MTBP: variants seen among roughly 807,000 people sequenced by gnomAD.
MTBP encodes MDM2 binding protein.
Under a neutral mutation model 117.0 loss-of-function variants are expected in MTBP, and 101 were observed. That is an observed-to-expected ratio of 0.86 (90% confidence interval 0.73 to 1.02). The LOEUF (loss-of-function observed/expected upper bound fraction) is 1.02, where lower values mean the gene tolerates loss of function less well. MTBP is among the 50% of genes least tolerant of loss of function. MTBP has a pLI of 0.00. For missense variants in MTBP, 970 were observed against 1,030.9 expected (o/e 0.94, Z 0.81); for synonymous variants, 350 against 351.5 (o/e 1.00, Z 0.05).
At chr8:120,472,146 C>T (rs894266051) in intron 11 of MTBP, 10 of 152,124 alleles carry the variant, frequency 6.6e-5, no homozygotes, top group African/African-American at 2.4e-4. Flanking sequence ...TGTAGAAATA[C>T]TCCACAGCGC....
intron 21 of MTBP, 97 bp from the exon 22 acceptor site, chr8:120,523,201 T>A: frequency 1.2e-6 from 1 of 811,036 alleles, no homozygotes; most frequent in Admixed American, 2.5e-5. Flanking sequence ...TTATTTGAAA[T>A]TTTCTACCAT....
At chr8:120,502,425 A>T (rs1032914508) in intron 14 of MTBP, 67 bp from the exon 15 acceptor site, 4 of 1,100,968 alleles carry the variant, frequency 3.6e-6, no homozygotes, top group Non-Finnish European at 4.0e-6. Flanking sequence ...CTGTAAATAC[A>T]CATTTTTATT....
intron 13 of MTBP, among the ~76,000 whole-genome samples, chr8:120,493,078 A>G (rs1814379687): frequency 6.6e-6 from 1 of 152,184 alleles, no homozygotes; most frequent in African/African-American, 2.4e-5. Context: ...CATCTTTGTT[A>G]AATTTATAAA....
At chr8:120,464,217 A>G (rs900852197) in intron 10 of MTBP, among the ~76,000 whole-genome samples, 5 of 151,920 alleles carry the variant, frequency 3.3e-5, no homozygotes, top group African/African-American at 1.2e-4. Flanking sequence ...AATTCTGATG[A>G]TGTTTAGGAG....
chr8:120,494,582 G>T lies in MTBP; in HGVS notation c.1448-2811G>T, dbSNP rs116943385. On this transcript the variant is annotated intron_variant, in intron 13 of 21. Coordinates refer to ENST00000305949, the MANE Select transcript of MTBP (RefSeq NM_022045.5). ...CTATTTCTTGATTTACTAGTTTCAG[G>T]CATTATCTTAACATCTAACTATGGA... Among the ~76,000 whole-genome samples, 711 of 152,228 alleles carry T rather than the reference G, an allele frequency of 4.7e-3. 8 individuals carry two copies. Among genetic ancestry groups the T allele is most frequent in the Middle Eastern group, 0.01 (3 of 294 alleles).
At chr8:120,472,480 C>A (rs1046819596) in intron 11 of MTBP, 1 of 152,190 alleles carries the variant, frequency 6.6e-6, no homozygotes, top group African/African-American at 2.4e-5. Context: ...CTGAGCTGCC[C>A]TCAGCAGAGT....
intron 11 of MTBP, chr8:120,472,128 A>G (rs1813829336): frequency 6.6e-6 from 1 of 152,174 alleles, no homozygotes; most frequent in African/African-American, 2.4e-5. Context: ...AACTATTATG[A>G]AGAAATCTGT....
At chr8:120,497,586 G>A (rs201276022) in intron 14 of MTBP, 32 bp downstream of exon 14, 8 of 443,950 alleles carry the variant, frequency 1.8e-5, no homozygotes, top group Admixed American at 6.4e-5. Context: ...ATTTTAGTTC[G>A]TGTGTGTGTG....
intron 16 of MTBP, among the ~76,000 whole-genome samples, chr8:120,508,050 G>C (rs903821864): frequency 6.6e-6 from 1 of 152,108 alleles, no homozygotes; most frequent in Non-Finnish European, 1.5e-5. Flanking sequence ...CTAATTGTAG[G>C]TGATTTATTT....
intron 12 of MTBP, among the ~76,000 whole-genome samples, chr8:120,489,627 A>G (rs554371412): frequency 6.6e-6 from 1 of 152,262 alleles, no homozygotes; most frequent in African/African-American, 2.4e-5. Context: ...AATTTGTCCT[A>G]GTCCGGTGTG....
At chr8:120,489,549 C>T (rs779874964) in intron 12 of MTBP, among the ~76,000 whole-genome samples, 15 of 152,178 alleles carry the variant, frequency 9.9e-5, no homozygotes, top group African/African-American at 3.4e-4. Context: ...CCACCAGTAA[C>T]GGGAGTCCAA....
intron 17 of MTBP, among the ~76,000 whole-genome samples, chr8:120,510,756 T>C (rs1366741569): frequency 6.6e-6 from 1 of 151,750 alleles, no homozygotes; most frequent in Non-Finnish European, 1.5e-5. Context: ...ATATAAAAAT[T>C]AGCTGGGCAT....
At position 120,453,825 on chromosome 8, in the gene MTBP, CTAACT is replaced by C. The variant is rs759510297; in HGVS notation, c.426-19_426-15del. Reference sequence around the variant, plus strand: ...AATATATTTATGGGGTTTTCTTTCCCTAACTTACCCTTTTATTTTAGTCTCTATGA... The same window carrying C: ...AATATATTTATGGGGTTTTCTTTCCCTACCCTTTTATTTTAGTCTCTATGA... On this transcript the variant is annotated splice_polypyrimidine_tract_variant and intron_variant, in intron 4 of 21. Transcript: ENST00000305949. 2 of 1,414,854 alleles carry C rather than the reference CTAACT, an allele frequency of 1.4e-6. No individual in the cohort carries two copies. Among genetic ancestry groups the C allele is most frequent in the South Asian group, 1.4e-5 (1 of 71,710 alleles). The allele number at this position is 1,414,854 out of a possible 1,614,324, so 87.6% of individuals were successfully genotyped here.
intron 11 of MTBP, among the ~76,000 whole-genome samples, chr8:120,475,822 G>A (rs550436565): frequency 6.4e-4 from 97 of 151,954 alleles, no homozygotes; most frequent in African/African-American, 2.0e-3. Context: ...CTGGCTTGCC[G>A]TGTTTACAGA....
Position 120,488,175 on chromosome 8 carries a change from GA to G in MTBP, c.1185del (p.Gly396GlufsTer22). On this transcript the variant is annotated frameshift_variant, in exon 12 of 22. Coordinates refer to ENST00000305949, the MANE Select transcript of MTBP (RefSeq NM_022045.5). LOFTEE classifies it high-confidence loss of function. Reference protein sequence around the residue: ...KTISVPDVEVKGECSSYYLLL... With the variant: ...KTISVPDVEVXGECSSYYLLL... ...TTTGTTTAGTTCCAGATGTTGAAGTGAAAGGAGAGTGTTCTAGCTATTATCT... is the reference window on the plus strand; with the variant it reads ...TTTGTTTAGTTCCAGATGTTGAAGTGAAGGAGAGTGTTCTAGCTATTATCT... 1 of 1,582,754 alleles carries G rather than the reference GA, an allele frequency of 6.3e-7. No individual in the cohort carries two copies. The highest frequency in any genetic ancestry group is 1.2e-5 in the South Asian group (1 of 83,618).
intron 10 of MTBP, among the ~76,000 whole-genome samples, chr8:120,470,397 A>G (rs933770793): frequency 4.6e-5 from 7 of 152,242 alleles, no homozygotes; most frequent in Admixed American, 6.5e-5. Flanking sequence ...TTTTGAAACT[A>G]GAACAATAAT....
chr8:120,478,438 T>A (rs1366708096), intron 11 of MTBP, among the ~76,000 whole-genome samples: 1 of 152,182 alleles, frequency 6.6e-6, no homozygotes, highest in Non-Finnish European at 1.5e-5. Context: ...ATTTTATGTC[T>A]TGATATTTGT....
chr8:120,470,918 A>G lies in MTBP; in HGVS notation c.1146A>G (p.Lys382=). The G allele has an allele frequency of 1.2e-6, 2 of 1,601,152 alleles. No individual in the cohort carries two copies. Among genetic ancestry groups the G allele is most frequent in the Non-Finnish European group, 1.7e-6 (2 of 1,169,048 alleles). ...SSRKWKEYIA[K]KPKTISVPDV... is the part of the protein sequence containing the mutation. ...GAAAATGGAAGGAATATATAGCTAA[A>G]AAGCCTAAAACAATCAGTGGTAAGT... The change falls in exon 11 of 22, where the codon AAA becomes AAG. Residue 382 remains lysine, a synonymous_variant. Transcript: ENST00000305949.
intron 2 of MTBP, among the ~76,000 whole-genome samples, chr8:120,446,913 A>G (rs1474163998): frequency 6.6e-6 from 1 of 151,944 alleles, no homozygotes; most frequent in Non-Finnish European, 1.5e-5. Context: ...TTCTGTTCTG[A>G]TTCTCTTAAA....
Sources: allele counts gnomAD v4.1 joint callset (sites outside exome capture counted in the v4.1 genomes callset), GRCh38; gene constraint gnomAD v4.1.1; transcripts MANE v1.5; gene names NCBI Gene and HGNC (gene_info 2026-07-23, HGNC 2026-07-21).